ADD2: variants seen among roughly 807,000 people sequenced by gnomAD.
The protein encoded by ADD2 is beta-adducin.
ADD2 carries 23 observed loss-of-function variants against 83.0 expected under a neutral mutation model. The observed-to-expected ratio is 0.28, with a 90% CI of 0.20 to 0.39. The LOEUF (loss-of-function observed/expected upper bound fraction) is 0.39. Ranked by LOEUF, ADD2 falls within the 10% of genes least tolerant of loss-of-function variation. ADD2 has a pLI of 1.00. For missense variants in ADD2, 758 were observed against 944.9 expected (o/e 0.80, Z 2.59); for synonymous variants, 375 against 375.4 (o/e 1.00, Z 0.01).
chr2:70,735,211 G>T (rs1673474469), intron 1 of ADD2, among the ~76,000 whole-genome samples: 6 of 151,800 alleles, frequency 4.0e-5, no homozygotes, highest in Admixed American at 3.9e-4. Context: ...CCCAAACAGA[G>T]AAAAGAAGGG....
chr2:70,716,042 G>A (rs1249843735), intron 1 of ADD2, among the ~76,000 whole-genome samples: 2 of 151,804 alleles, frequency 1.3e-5, no homozygotes, highest in East Asian at 3.9e-4. Flanking sequence ...TCTTTTTAAA[G>A]CCCTGCTTTT....
chr2:70,724,415 C>T (rs1672878420), intron 1 of ADD2, among the ~76,000 whole-genome samples: 1 of 152,224 alleles, frequency 6.6e-6, no homozygotes, highest in Admixed American at 6.5e-5. Context: ...GAACTTGGCT[C>T]AGCTGCCAGC....
At chr2:70,670,486 C>T (rs1553366891) in intron 15 of ADD2, among the ~76,000 whole-genome samples, 1 of 152,192 alleles carries the variant, frequency 6.6e-6, no homozygotes, top group African/African-American at 2.4e-5. Flanking sequence ...ATAAGGTGAG[C>T]TGGGACAAGG....
At chr2:70,760,927 G>T (rs1055193699) in intron 1 of ADD2, among the ~76,000 whole-genome samples, 4 of 152,120 alleles carry the variant, frequency 2.6e-5, no homozygotes, top group Admixed American at 2.0e-4. Flanking sequence ...GAAGACAAAA[G>T]AATAATATTT....
At chr2:70,730,138 A>G (rs536909516) in intron 1 of ADD2, among the ~76,000 whole-genome samples, 8 of 152,208 alleles carry the variant, frequency 5.3e-5, no homozygotes, top group Non-Finnish European at 1.0e-4. Flanking sequence ...AAATGGTGAA[A>G]TATAGTGTCA....
chr2:70,762,083 G>T (rs1574335804), intron 1 of ADD2, among the ~76,000 whole-genome samples: 4 of 151,628 alleles, frequency 2.6e-5, no homozygotes, highest in Admixed American at 2.6e-4. Context: ...TAAGAAAGGG[G>T]GTGGAAAAAT....
intron 2 of ADD2, among the ~76,000 whole-genome samples, chr2:70,707,848 G>A (rs1239425316): frequency 6.6e-6 from 1 of 152,230 alleles, no homozygotes; most frequent in East Asian, 1.9e-4. Flanking sequence ...ATGAGGAGAT[G>A]GAATGCTCTC....
chr2:70,704,280 C>CCTCCA, intron 4 of ADD2, 41 bp downstream of exon 4: 1 of 1,509,724 alleles, frequency 6.6e-7, no homozygotes, highest in Non-Finnish European at 9.0e-7. Flanking sequence ...CCCACCCTCC[C>CCTCCA]CTCCACCTCT....
At chr2:70,715,412 C>T (rs904485991) in intron 1 of ADD2, among the ~76,000 whole-genome samples, 5 of 152,192 alleles carry the variant, frequency 3.3e-5, no homozygotes, top group Non-Finnish European at 7.3e-5. Context: ...CAGCTTCCAG[C>T]CCCCACATCC....
intron 4 of ADD2, among the ~76,000 whole-genome samples, chr2:70,698,673 G>T (rs1286841729): frequency 6.6e-6 from 1 of 152,016 alleles, no homozygotes; most frequent in African/African-American, 2.4e-5. Context: ...AATGTCGCTT[G>T]TACCCCATAA....
intron 1 of ADD2, among the ~76,000 whole-genome samples, chr2:70,764,685 G>C (rs1553385664): frequency 6.6e-6 from 1 of 151,992 alleles, no homozygotes; most frequent in African/African-American, 2.4e-5. Flanking sequence ...TCAGGAGGGA[G>C]AGGTGGGAGG....
rs367877579 is a variant in ADD2, at chr2:70,695,223, A to G, written c.555+498T>C. On this transcript the variant is annotated intron_variant, in intron 6 of 15. Coordinates refer to ENST00000264436, the MANE Select transcript of ADD2 (RefSeq NM_001617.4). ...ATTGGGCCTTTTCTGCTTCTAAGAC[A>G]GTCCTTTCTACTGCTTTCCTCCCCC... Among the ~76,000 whole-genome samples, 358 of 152,190 alleles carry G rather than the reference A, an allele frequency of 2.4e-3. 16 individuals are homozygous for G. In the South Asian group the frequency reaches 0.072, roughly 31 times the overall value.
At chr2:70,703,759 G>T (rs782551158) in intron 4 of ADD2, among the ~76,000 whole-genome samples, 1 of 152,158 alleles carries the variant, frequency 6.6e-6, no homozygotes, top group Non-Finnish European at 1.5e-5. Flanking sequence ...AAGAAAAAAA[G>T]GACTGGAAGG....
At chr2:70,671,195 C>T (rs1669876899) in intron 15 of ADD2, among the ~76,000 whole-genome samples, 1 of 152,146 alleles carries the variant, frequency 6.6e-6, no homozygotes, top group Non-Finnish European at 1.5e-5. Flanking sequence ...TTCAAGGTGC[C>T]TGTGCATTAG....
chr2:70,681,125 C>A (rs1316820200), intron 10 of ADD2, among the ~76,000 whole-genome samples: 4 of 152,182 alleles, frequency 2.6e-5, no homozygotes, highest in Non-Finnish European at 4.4e-5. Context: ...TTTGCAACTT[C>A]CCCAATTACT....
chr2:70,715,600 G>A (rs79910532), intron 1 of ADD2, among the ~76,000 whole-genome samples: 1,998 of 152,240 alleles, frequency 0.013, 37 homozygotes, highest in African/African-American at 0.045. Flanking sequence ...AGGAGTTAGG[G>A]CAGTACATTC....
intron 1 of ADD2, chr2:70,760,795 A>G (rs1224318860): frequency 2.0e-5 from 3 of 152,146 alleles, no homozygotes; most frequent in African/African-American, 7.2e-5. Flanking sequence ...TATGTTTTAT[A>G]TATTTTAAGG....
chr2:70,736,570 T>G (rs930580339), intron 1 of ADD2, among the ~76,000 whole-genome samples: 11 of 152,236 alleles, frequency 7.2e-5, no homozygotes, highest in Non-Finnish European at 1.3e-4. Context: ...TTGAAATTTC[T>G]AAACCAAGTA....
chr2:70,737,444 A>G (rs1283891281), intron 1 of ADD2, among the ~76,000 whole-genome samples: 2 of 152,160 alleles, frequency 1.3e-5, no homozygotes, highest in Non-Finnish European at 2.9e-5. Context: ...ATGAAGCTGG[A>G]AACCATCATT....
Sources: allele counts gnomAD v4.1 joint callset (sites outside exome capture counted in the v4.1 genomes callset), GRCh38; gene constraint gnomAD v4.1.1; transcripts MANE v1.5; gene names NCBI Gene and HGNC (gene_info 2026-07-23, HGNC 2026-07-21).